TUBB8B: variants seen among roughly 807,000 people sequenced by gnomAD.
The protein encoded by TUBB8B is HSA18p11 beta-tubulin 4Q pseudogene.
In TUBB8B, 26 loss-of-function variants were observed where a neutral mutation model predicts 31.9. The observed-to-expected ratio is 0.81, with a 90% CI of 0.60 to 1.13. The LOEUF (loss-of-function observed/expected upper bound fraction) is 1.13, where lower values mean the gene tolerates loss of function less well. Among genes scored for constraint, TUBB8B ranks in the 50% most tolerant of loss-of-function variants. TUBB8B has a pLI of 0.00. For missense variants in TUBB8B, 467 were observed against 586.7 expected (o/e 0.80, Z 2.11); for synonymous variants, 173 against 231.0 (o/e 0.75, Z 2.28).
chr18:70,040 C>T, the TUBB8B span, among the ~76,000 whole-genome samples: 1 of 152,006 alleles, frequency 6.6e-6, no homozygotes, highest in Non-Finnish European at 1.5e-5. Context: ...GCCTGTAATC[C>T]CAGCTACTCA....
chr18:48,942 G>A lies in TUBB8B; in HGVS notation c.275C>T (p.Ser92Phe), dbSNP rs529481653. ...CCCAGTCCTCGCCCGCAGCTCACCGGAAATGAAGTTGTCTGGCCTGAAGAC... is the reference window on the plus strand; with the variant it reads ...CCCAGTCCTCGCCCGCAGCTCACCGAAAATGAAGTTGTCTGGCCTGAAGAC... Reference protein sequence around the residue: ...GQVFRPDNFISGQCGAGNNWA... With the variant: ...GQVFRPDNFIFGQCGAGNNWA... The change falls in exon 3 of 4, where the codon TCC (serine) becomes TTC (phenylalanine). Residue 92 changes from serine (S) to phenylalanine (F), a missense_variant and splice_region_variant. Transcript: ENST00000308911. The A allele has an allele frequency of 8.8e-5, 140 of 1,586,114 alleles. 3 individuals carry two copies. In the South Asian group the frequency reaches 1.3e-3, roughly 15 times the overall value.
upstream of TUBB8B, chr18:49,625 C>A: frequency 2.7e-6 from 2 of 745,828 alleles, no homozygotes; most frequent in Non-Finnish European, 4.8e-6. Flanking sequence ...CGACCCAGCC[C>A]GCCCTCCGCT....
At chr18:60,824 T>A in the TUBB8B span, among the ~76,000 whole-genome samples, 1 of 151,740 alleles carries the variant, frequency 6.6e-6, no homozygotes, top group Non-Finnish European at 1.5e-5. Context: ...TCAGAGAAAA[T>A]GCTTGATATT....
the TUBB8B span, among the ~76,000 whole-genome samples, chr18:64,892 T>C: frequency 1.3e-5 from 2 of 152,124 alleles, no homozygotes; most frequent in Non-Finnish European, 2.9e-5. Context: ...ATATGCTAAA[T>C]AGTAAACCAA....
the TUBB8B span, among the ~76,000 whole-genome samples, chr18:60,331 T>G: frequency 6.6e-6 from 1 of 151,824 alleles, no homozygotes; most frequent in Non-Finnish European, 1.5e-5. Flanking sequence ...GTCTCCTTTT[T>G]CACCTTTGAT....
rs770383497 is a variant in TUBB8B at position 48,067 on chromosome 18, G to T, written c.658C>A (p.Pro220Thr). The change falls in exon 4 of 4, where the codon CCC becomes ACC. Residue 220 changes from proline (P) to threonine (T), a missense_variant. By Grantham distance (38) the Pro-to-Thr change is conservative. Transcript: ENST00000308911. ...AGGTGGTTCAGGTCACCATAGGTGG[G>T]TGTGGGCAGTTTTAGGGTCCTGGAA... is the stretch of plus-strand genomic sequence containing the variant. ...ICSRTLKLPT[P>T]TYGDLNHLVS... 7.4e-6 allele frequency: 12 copies of T among 1,613,546 alleles called. No homozygotes were observed. The highest frequency in any genetic ancestry group is 1.7e-4 in the Middle Eastern group (1 of 5,752).
At chr18:62,942 TATG>T in the TUBB8B span, among the ~76,000 whole-genome samples, 6 of 151,872 alleles carry the variant, frequency 4.0e-5, no homozygotes, top group Admixed American at 2.0e-4. Flanking sequence ...CATTCTTCAG[TATG>T]ATAATTGGAT....
the TUBB8B span, among the ~76,000 whole-genome samples, chr18:64,821 C>T: frequency 3.3e-5 from 5 of 152,068 alleles, no homozygotes; most frequent in African/African-American, 1.2e-4. Context: ...AAACTCTTCC[C>T]CGCAATTCCT....
At chr18:58,325 CT>C in the TUBB8B span, among the ~76,000 whole-genome samples, 2 of 151,586 alleles carry the variant, frequency 1.3e-5, no homozygotes, top group Non-Finnish European at 2.9e-5. Context: ...TTACAACTTA[CT>C]TTTTTTTGCT....
At chr18:54,776 T>C in the TUBB8B span, among the ~76,000 whole-genome samples, 5 of 151,972 alleles carry the variant, frequency 3.3e-5, no homozygotes, top group African/African-American at 1.2e-4. Context: ...TATCCAGTCA[T>C]CTGTTGATGG....
At chr18:57,731 A>G in the TUBB8B span, among the ~76,000 whole-genome samples, 92,636 of 151,240 alleles carry the variant, frequency 0.61, 29,564 homozygotes, top group East Asian at 0.98. Context: ...ACATTTCTTC[A>G]CTGCATTGTT....
chr18:61,902 T>G, the TUBB8B span, among the ~76,000 whole-genome samples: 1 of 151,810 alleles, frequency 6.6e-6, no homozygotes, highest in East Asian at 1.9e-4. Flanking sequence ...GTTATAATAT[T>G]CTGTGTTTTT....
At chr18:59,111 C>T in the TUBB8B span, among the ~76,000 whole-genome samples, 1 of 151,860 alleles carries the variant, frequency 6.6e-6, no homozygotes, top group African/African-American at 2.4e-5. Context: ...TCACCTTTCA[C>T]CTGGCCCACC....
chr18:48,663 C>T (rs1370922443), intron 3 of TUBB8B: 8 of 660,606 alleles, frequency 1.2e-5, no homozygotes, highest in Non-Finnish European at 2.2e-5. Context: ...GTTCACAGAC[C>T]TCGCTGCAGG....
At chr18:62,656 T>A in the TUBB8B span, among the ~76,000 whole-genome samples, 2 of 151,574 alleles carry the variant, frequency 1.3e-5, 1 homozygote, top group Non-Finnish European at 2.9e-5. Context: ...CTCTTGACCT[T>A]GTGATCCACC....
chr18:53,388 A>G (rs1369200541), upstream of TUBB8B, among the ~76,000 whole-genome samples: 1 of 151,974 alleles, frequency 6.6e-6, no homozygotes, highest in East Asian at 1.9e-4. Context: ...GTAACAAATG[A>G]TTATAGTTAA....
rs1451332461 is a variant in TUBB8B at position 47,336 on chromosome 18, G to A, written c.*54C>T. The A allele has an allele frequency of 4.3e-5, 27 of 633,758 alleles. No individual in the cohort carries two copies. In the Admixed American group the frequency reaches 5.6e-4, roughly 13 times the overall value. 39.3% of individuals were successfully genotyped at this position (633,758 alleles called of 1,614,324 possible). A position where few individuals can be genotyped will look rare whatever the true frequency, so the allele number is the denominator to read the frequency against. ...AGCGTATAGTGACACATGGCTGTCA[G>A]AACACAGTAAAGAATCCACACTGCT... On this transcript the variant is annotated 3_prime_UTR_variant, in exon 4 of 4. Coordinates refer to ENST00000308911, the MANE Select transcript of TUBB8B (RefSeq NM_001358689.2).
chr18:65,422 T>C, the TUBB8B span, among the ~76,000 whole-genome samples: 15 of 152,132 alleles, frequency 9.9e-5, no homozygotes, highest in Admixed American at 9.8e-4. Context: ...TGGTTTGGCA[T>C]ACTAAAGCCA....
the TUBB8B span, among the ~76,000 whole-genome samples, chr18:54,782 G>A: frequency 6.6e-6 from 1 of 151,888 alleles, no homozygotes; most frequent in Admixed American, 6.6e-5. Flanking sequence ...GTCATCTGTT[G>A]ATGGACATTT....
Sources: allele counts gnomAD v4.1 joint callset (sites outside exome capture counted in the v4.1 genomes callset), GRCh38; gene constraint gnomAD v4.1.1; transcripts MANE v1.5; gene names NCBI Gene and HGNC (gene_info 2026-07-23, HGNC 2026-07-21).